Variants in PCYT1B observed in about 807,000 individuals in gnomAD.
The protein encoded by PCYT1B is choline-phosphate cytidylyltransferase B.
In PCYT1B, 10 loss-of-function variants were observed where a neutral mutation model predicts 26.4. That is an observed-to-expected ratio of 0.38 (90% CI 0.23 to 0.64). The LOEUF is 0.64. Among genes scored for constraint, PCYT1B ranks in the 30% least tolerant of loss-of-function variants. PCYT1B has a pLI of 0.56. For missense variants in PCYT1B, 161 were observed against 292.7 expected (o/e 0.55, Z 3.28); for synonymous variants, 131 against 108.4 (o/e 1.21, Z -1.29).
At chrX:24,656,705 G>A (rs575403231) in intron 1 of PCYT1B, among the ~76,000 whole-genome samples, 9 of 107,033 alleles carry the variant, frequency 8.4e-5, no homozygotes, top group African/African-American at 3.1e-4. Context: ...ACAGGCATGC[G>A]CCACCACACC....
chrX:24,618,934 C>T (rs762183324), intron 2 of PCYT1B, 51 bp downstream of exon 2: 162 of 861,503 alleles, frequency 1.9e-4, no homozygotes, highest in Admixed American at 1.8e-3. Flanking sequence ...CTTTCTGATA[C>T]TTTAAAATGT....
intron 1 of PCYT1B, among the ~76,000 whole-genome samples, chrX:24,624,751 T>C (rs1156699570): frequency 1.8e-5 from 2 of 112,196 alleles, no homozygotes; most frequent in African/African-American, 3.2e-5. Context: ...GTCCTCTTTA[T>C]AGAGCTGTCT....
At position 24,670,048 on chromosome X, in the gene PCYT1B, AAAAGAAAGAAAGAAAG is replaced by A. The variant is rs756342863; in HGVS notation, c.63+2506_63+2521del. ...ACAGAGTAAGACCTTGTCTCAAAAAAAAAGAAAGAAAGAAAGAAAGAAAGAAAGAAAGAAAGAAAGA... is the reference window on the plus strand; with the variant it reads ...ACAGAGTAAGACCTTGTCTCAAAAAAAAAGAAAGAAAGAAAGAAAGAAAGA... On this transcript the variant is annotated intron_variant, in intron 1 of 7. Coordinates refer to the PCYT1B transcript ENST00000379145. Among the ~76,000 whole-genome samples, 398 of 58,065 alleles carry A rather than the reference AAAAGAAAGAAAGAAAG, an allele frequency of 6.9e-3. 10 individuals carry two copies. Among genetic ancestry groups the A allele is most frequent in the East Asian group, 0.045 (78 of 1,748 alleles). The allele number at this position is 58,065 out of a possible 115,157, so 50.4% of individuals were successfully genotyped here.
intron 2 of PCYT1B, among the ~76,000 whole-genome samples, chrX:24,608,493 A>T (rs756572316): frequency 1.8e-5 from 2 of 111,921 alleles, no homozygotes; most frequent in Non-Finnish European, 3.8e-5. Context: ...CTTTGGTATA[A>T]TAAGAGATTA....
At chrX:24,646,516 G>A (rs1926629978) in intron 1 of PCYT1B, among the ~76,000 whole-genome samples, 1 of 111,223 alleles carries the variant, frequency 9.0e-6, no homozygotes, top group South Asian at 3.8e-4. Context: ...TTTTCAAACG[G>A]ATGGGGAAGT....
intron 1 of PCYT1B, among the ~76,000 whole-genome samples, chrX:24,659,971 G>T (rs978814757): frequency 9.0e-6 from 1 of 111,512 alleles, no homozygotes; most frequent in African/African-American, 3.3e-5. Context: ...TAATAAAGAC[G>T]CTTATCCACT....
chrX:24,606,637 G>A (rs1276171795), intron 3 of PCYT1B, among the ~76,000 whole-genome samples: 1 of 112,257 alleles, frequency 8.9e-6, no homozygotes. Context: ...GCTGAGGTGG[G>A]TGGATCACCT....
intron 1 of PCYT1B, among the ~76,000 whole-genome samples, chrX:24,656,229 C>CGGGGG (rs34445837): frequency 1.4e-4 from 6 of 43,958 alleles, no homozygotes; most frequent in African/African-American, 5.4e-4. Flanking sequence ...CAGGGGGTCG[C>CGGGGG]GGGGGGGGGT....
chrX:24,582,988 A>G (rs1219541944), intron 5 of PCYT1B, among the ~76,000 whole-genome samples: 1 of 111,796 alleles, frequency 8.9e-6, no homozygotes, highest in Non-Finnish European at 1.9e-5. Context: ...GAAAAGTTAC[A>G]TCGAGTCTTA....
intron 1 of PCYT1B, among the ~76,000 whole-genome samples, chrX:24,619,993 C>T (rs1176018189): frequency 8.9e-6 from 1 of 112,662 alleles, no homozygotes; most frequent in Non-Finnish European, 1.9e-5. Flanking sequence ...TGAACTGTGC[C>T]GTGATTGCAG....
upstream of PCYT1B, among the ~76,000 whole-genome samples, chrX:24,650,506 G>C (rs1926742484): frequency 9.1e-6 from 1 of 110,489 alleles, no homozygotes; most frequent in African/African-American, 3.3e-5. Context: ...ATTTTTGGTA[G>C]AGACAGGGTT....
chrX:24,569,343 G>A (rs956578136), intron 7 of PCYT1B, among the ~76,000 whole-genome samples: 3 of 110,483 alleles, frequency 2.7e-5, no homozygotes, highest in African/African-American at 9.8e-5. Flanking sequence ...TGCATTGCTC[G>A]TGGAAATGTA....
At chrX:24,660,130 C>T (rs1402541363) in intron 1 of PCYT1B, among the ~76,000 whole-genome samples, 5 of 108,523 alleles carry the variant, frequency 4.6e-5, no homozygotes, top group African/African-American at 1.7e-4. Flanking sequence ...AAGTTTAGAA[C>T]AAAAAAAAAG....
chrX:24,648,475 T>TTTTTTTTTG (rs1926696696), upstream of PCYT1B, among the ~76,000 whole-genome samples: 2 of 92,943 alleles, frequency 2.2e-5, no homozygotes, highest in African/African-American at 9.0e-5. Context: ...TTTTTTTTTT[T>TTTTTTTTTG]GCGAAGGGCG....
chrX:24,618,631 T>TG (rs1310497485), intron 2 of PCYT1B, among the ~76,000 whole-genome samples: 1 of 108,826 alleles, frequency 9.2e-6, no homozygotes, highest in Non-Finnish European at 1.9e-5. Context: ...TACTTTTTTT[T>TG]TTTTGAGATG....
intron 3 of PCYT1B, among the ~76,000 whole-genome samples, chrX:24,591,353 A>C (rs998224609): frequency 1.8e-5 from 2 of 111,495 alleles, no homozygotes; most frequent in South Asian, 7.6e-4. Flanking sequence ...TGCGGTGGCC[A>C]GTCAGAACTA....
At chrX:24,617,452 A>AT (rs35284868) in intron 2 of PCYT1B, among the ~76,000 whole-genome samples, 12,632 of 82,683 alleles carry the variant, frequency 0.15, 2,093 homozygotes, top group African/African-American at 0.47. Context: ...TATTATTATT[A>AT]TTTTTTTTTT....
intron 2 of PCYT1B, among the ~76,000 whole-genome samples, chrX:24,613,645 A>G: frequency 9.0e-6 from 1 of 111,172 alleles, no homozygotes; most frequent in East Asian, 2.8e-4. Context: ...CAGAACCGAG[A>G]TTCCCTTTAA....
Position 24,670,054 on chromosome X carries a change from A to AAGAG in PCYT1B, c.63+2515_63+2516insCTCT, listed in dbSNP as rs1275898919. ...TAAGACCTTGTCTCAAAAAAAAAGA[A>AAGAG]AGAAAGAAAGAAAGAAAGAAAGAAA... On this transcript the variant is annotated intron_variant, in intron 1 of 7. Transcript: ENST00000379145. Among the ~76,000 whole-genome samples, 390 of 43,947 alleles carry AAGAG rather than the reference A, an allele frequency of 8.9e-3. 3 individuals carry two copies. The highest frequency in any genetic ancestry group is 0.023 in the Middle Eastern group (2 of 86). 38.2% of individuals were successfully genotyped at this position (43,947 alleles called of 115,157 possible). A position where few individuals can be genotyped will look rare whatever the true frequency, so the allele number is the denominator to read the frequency against.
Sources: allele counts gnomAD v4.1 joint callset (sites outside exome capture counted in the v4.1 genomes callset), GRCh38; gene constraint gnomAD v4.1.1; transcripts MANE v1.5; gene names NCBI Gene and HGNC (gene_info 2026-07-23, HGNC 2026-07-21).